COG5: variants seen among roughly 807,000 people sequenced by gnomAD.
The protein encoded by COG5 is conserved oligomeric Golgi complex subunit 5.
Under a neutral mutation model 110.4 loss-of-function variants are expected in COG5, and 86 were observed. The observed-to-expected ratio is 0.78, with a 90% CI of 0.65 to 0.93. COG5 has a LOEUF of 0.93. Among genes scored for constraint, COG5 ranks in the 40% least tolerant of loss-of-function variants. The probability of loss-of-function intolerance (pLI) is 0.00; values close to 1 mark genes in which losing one functional copy is unlikely to be tolerated. For synonymous variants in COG5, 360 were observed against 334.6 expected, an observed-to-expected ratio of 1.08 and a Z score of -0.83; for missense variants, 1,077 against 987.0, an observed-to-expected ratio of 1.09 and a Z score of -1.22.
chr7:107,355,457 G>A (rs1236659146), intron 10 of COG5, among the ~76,000 whole-genome samples: 1 of 152,176 alleles, frequency 6.6e-6, no homozygotes, highest in African/African-American at 2.4e-5. Context: ...TGAGCAAGAG[G>A]TGAAAACCAC....
At chr7:107,475,327 G>A (rs1471987471) in intron 6 of COG5, 1 of 1,565,010 alleles carries the variant, frequency 6.4e-7, no homozygotes, top group Admixed American at 2.0e-5. Context: ...TGAAATAAGA[G>A]AAAAATGTTT....
intron 6 of COG5, among the ~76,000 whole-genome samples, chr7:107,513,744 T>C (rs1159628304): frequency 1.3e-5 from 2 of 152,202 alleles, no homozygotes; most frequent in African/African-American, 4.8e-5. Context: ...TCATGTCCTT[T>C]GTAGGGACAT....
intron 16 of COG5, among the ~76,000 whole-genome samples, chr7:107,252,490 A>G (rs748394294): frequency 2.0e-5 from 3 of 152,130 alleles, no homozygotes; most frequent in Non-Finnish European, 4.4e-5. Flanking sequence ...ACAAAAACAA[A>G]AACAAATTCT....
chr7:107,283,757 A>ATTTTGTTT, intron 12 of COG5, 25 bp from the exon 13 acceptor site: 1 of 1,588,286 alleles, frequency 6.3e-7, no homozygotes, highest in Non-Finnish European at 8.6e-7. Context: ...TTTTTTAAAA[A>ATTTTGTTT]CTAACTTAAA....
chr7:107,334,058 C>T (rs1293822433), intron 10 of COG5, among the ~76,000 whole-genome samples: 2 of 152,064 alleles, frequency 1.3e-5, no homozygotes, highest in Non-Finnish European at 2.9e-5. Flanking sequence ...AATCCCAGCA[C>T]TAGGTATATA....
In COG5 at chr7:107,380,227, G is replaced by A. The variant is rs140574965; in HGVS notation, c.670-7467C>T. On this transcript the variant is annotated intron_variant, in intron 7 of 21. Transcript: ENST00000297135. ...GAGAAAGAGAGAAAGATCTAAAATC[G>A]ACACCCTAACATCACAATTAAAAGA... Among the ~76,000 whole-genome samples the A allele has an allele frequency of 4.6e-3, 704 of 152,054 alleles. 4 individuals carry two copies. Among genetic ancestry groups the A allele is most frequent in the Middle Eastern group, 0.017 (5 of 294 alleles).
chr7:107,332,010 A>G (rs926761249), intron 10 of COG5, among the ~76,000 whole-genome samples: 1 of 151,826 alleles, frequency 6.6e-6, no homozygotes, highest in Non-Finnish European at 1.5e-5. Flanking sequence ...TACCACGCCC[A>G]GATAATTTTT....
rs527706785 is a variant in COG5 at position 107,228,814 on chromosome 7, G to A, written c.2168+1801C>T. 1.1e-4 allele frequency among the ~76,000 whole-genome samples: 16 copies of A among 149,770 alleles called. No homozygotes were observed. In the South Asian group the frequency reaches 1.5e-3, roughly 14 times the overall value. On this transcript the variant is annotated intron_variant, in intron 19 of 21. Transcript: ENST00000297135. ...AGGCCTGTGCTAATTACAAACAGGC[G>A]AGGTAAAATATACGGATTCCCTCTC...
chr7:107,553,473 G>A (rs918563188), intron 3 of COG5, among the ~76,000 whole-genome samples: 1 of 152,092 alleles, frequency 6.6e-6, no homozygotes, highest in Admixed American at 6.6e-5. Flanking sequence ...AAGCATTAAA[G>A]AATACTGCAT....
chr7:107,434,956 C>T (rs987625729), intron 6 of COG5, among the ~76,000 whole-genome samples: 4 of 148,882 alleles, frequency 2.7e-5, no homozygotes, highest in South Asian at 2.1e-4. Flanking sequence ...GACGACAGAG[C>T]GAGACTCCGT....
rs528229101 is a variant in COG5, at chr7:107,424,722, C to A, written c.539-12090G>T. Reference sequence around the variant, plus strand: ...TATTAATTCTACATTTACATTATACCTTTTTTGACAGACTAGAAAACAGAA... The same window carrying A: ...TATTAATTCTACATTTACATTATACATTTTTTGACAGACTAGAAAACAGAA... On this transcript the variant is annotated intron_variant, in intron 6 of 21. Transcript: ENST00000297135. Among the ~76,000 whole-genome samples, 302 of 152,028 alleles carry A rather than the reference C, an allele frequency of 2.0e-3. 2 individuals carry two copies. The highest frequency in any genetic ancestry group is 6.9e-3 in the African/African-American group (285 of 41,498).
At chr7:107,542,876 G>C (rs1379799104) in intron 5 of COG5, among the ~76,000 whole-genome samples, 1 of 151,790 alleles carries the variant, frequency 6.6e-6, no homozygotes, top group Non-Finnish European at 1.5e-5. Flanking sequence ...GGGAAGCTAA[G>C]GCAGGAGAAT....
At chr7:107,266,364 T>C (rs1224020936) in intron 14 of COG5, among the ~76,000 whole-genome samples, 1 of 152,188 alleles carries the variant, frequency 6.6e-6, no homozygotes, top group Admixed American at 6.5e-5. Flanking sequence ...AACATGTACC[T>C]GAAGAAGGCA....
chr7:107,249,047 C>G (rs1258387543), intron 16 of COG5, among the ~76,000 whole-genome samples: 1 of 152,044 alleles, frequency 6.6e-6, no homozygotes, highest in Non-Finnish European at 1.5e-5. Flanking sequence ...AGGCACTAAG[C>G]CTAGTACCCA....
At chr7:107,224,158 A>C (rs2116336113) in intron 19 of COG5, among the ~76,000 whole-genome samples, 1 of 152,290 alleles carries the variant, frequency 6.6e-6, no homozygotes, top group African/African-American at 2.4e-5. Context: ...TAAGGGCTCC[A>C]GATCCACAAG....
intron 6 of COG5, among the ~76,000 whole-genome samples, chr7:107,481,612 A>G (rs941381449): frequency 1.3e-5 from 2 of 152,178 alleles, no homozygotes; most frequent in African/African-American, 4.8e-5. Flanking sequence ...TCAAAGATAT[A>G]TATTTCATCC....
intron 6 of COG5, among the ~76,000 whole-genome samples, chr7:107,499,304 G>A (rs1007991415): frequency 1.3e-5 from 2 of 148,218 alleles, no homozygotes; most frequent in South Asian, 2.1e-4. Flanking sequence ...CATATTAAGC[G>A]TACTTACCAT....
At chr7:107,263,613 C>T (rs908476297) in intron 14 of COG5, among the ~76,000 whole-genome samples, 4 of 152,044 alleles carry the variant, frequency 2.6e-5, no homozygotes, top group Non-Finnish European at 4.4e-5. Flanking sequence ...AGAGGGAATC[C>T]AAATGCTAAA....
chr7:107,245,044 C>T (rs919490290), intron 17 of COG5, among the ~76,000 whole-genome samples: 9 of 152,046 alleles, frequency 5.9e-5, no homozygotes, highest in Non-Finnish European at 1.0e-4. Context: ...CCCCGGGACA[C>T]GAGATTGGTT....
Sources: gnomAD v4.1 joint callset for allele counts (sites outside exome capture counted in the v4.1 genomes callset) on GRCh38, gnomAD v4.1.1 for gene constraint, MANE v1.5 for transcripts, NCBI Gene and HGNC (gene_info 2026-07-23, HGNC 2026-07-21) for gene names.